SCN8A: variants seen among roughly 807,000 people sequenced by gnomAD.
SCN8A encodes the protein sodium voltage-gated channel alpha subunit 8.
SCN8A carries 30 observed loss-of-function variants against 184.1 expected under a neutral mutation model. The ratio of observed to expected loss-of-function variants is 0.16; its 90% CI spans 0.12 to 0.22. SCN8A has a LOEUF of 0.22. Among genes scored for constraint, SCN8A ranks in the 10% least tolerant of loss-of-function variants. The probability of loss-of-function intolerance (pLI) is 1.00; values close to 1 mark genes in which losing one functional copy is unlikely to be tolerated. For synonymous variants in SCN8A, 852 were observed against 907.0 expected (o/e 0.94, Z 1.09); for missense variants, 1,057 against 2,498.9 (o/e 0.42, Z 12.30).
At chr12:51,611,835 A>G (rs1939727197) in intron 1 of SCN8A, among the ~76,000 whole-genome samples, 1 of 152,090 alleles carries the variant, frequency 6.6e-6, no homozygotes, top group Non-Finnish European at 1.5e-5. Flanking sequence ...TTTCTAATTT[A>G]TTTCTTGTAT....
intron 1 of SCN8A, among the ~76,000 whole-genome samples, chr12:51,600,188 A>T (rs1939434004): frequency 6.6e-6 from 1 of 152,082 alleles, no homozygotes; most frequent in African/African-American, 2.4e-5. Flanking sequence ...GTGGGTCTCT[A>T]CCCTTGTTTT....
chr12:51,807,796 A>C lies in SCN8A; in HGVS notation c.*367A>C. ...TTATTTTTTCATTTTATTGATTCTC[A>C]GAAGCAGAAAGCATCACTTTAAAAG... On this transcript the variant is annotated 3_prime_UTR_variant, in exon 27 of 27. Coordinates refer to ENST00000627620, the MANE Select transcript of SCN8A (RefSeq NM_001330260.2). The surrounding 1 kb of genome is among the most constrained non-coding windows in gnomAD (Gnocchi z 4.5). 1 of 259,020 alleles carries C rather than the reference A, an allele frequency of 3.9e-6. No individual in the cohort carries two copies. Among genetic ancestry groups the C allele is most frequent in the East Asian group, 8.9e-5 (1 of 11,230 alleles). 16.0% of individuals were successfully genotyped at this position (259,020 alleles called of 1,614,324 possible).
At chr12:51,805,476 T>C (rs1457066419) in intron 26 of SCN8A, among the ~76,000 whole-genome samples, 2 of 150,260 alleles carry the variant, frequency 1.3e-5, no homozygotes, top group African/African-American at 4.9e-5. Flanking sequence ...CTAACCATAG[T>C]AGGAAATTAT....
Position 51,780,781 on chromosome 12 carries a change from T to C in SCN8A, c.3942+10T>C. On this transcript the variant is annotated intron_variant, in intron 21 of 26. Coordinates refer to ENST00000627620, the MANE Select transcript of SCN8A (RefSeq NM_001330260.2). ...ATTTGAAGGGATGAGGGTAAGATAC[T>C]AAGAGCAGCTGATCCTTCTGCATGC... The C allele has an allele frequency of 6.3e-7, 1 of 1,576,644 alleles. No individual in the cohort carries two copies. The highest frequency in any genetic ancestry group is 8.6e-7 in the Non-Finnish European group (1 of 1,167,910).
chr12:51,603,704 A>T (rs1309637075), intron 1 of SCN8A, among the ~76,000 whole-genome samples: 1 of 151,942 alleles, frequency 6.6e-6, no homozygotes, highest in Non-Finnish European at 1.5e-5. Flanking sequence ...CTGTATCCTC[A>T]TTGGCACTTG....
intron 12 of SCN8A, among the ~76,000 whole-genome samples, chr12:51,724,555 TC>T (rs1026101766): frequency 1.3e-5 from 2 of 152,242 alleles, no homozygotes; most frequent in African/African-American, 4.8e-5. Context: ...TATTTGACTT[TC>T]ACTAATTCTG....
intron 11 of SCN8A, among the ~76,000 whole-genome samples, chr12:51,720,001 GGCAGGCGGAGCTT>G (rs1465341509): frequency 2.0e-5 from 3 of 151,156 alleles, no homozygotes; most frequent in Non-Finnish European, 4.4e-5. Flanking sequence ...GCGTGAACCT[GGCAGGCGGAGCTT>G]GCAGTGAGCC....
chr12:51,620,804 A>G (rs1939943829), intron 1 of SCN8A, among the ~76,000 whole-genome samples: 1 of 151,908 alleles, frequency 6.6e-6, no homozygotes, highest in South Asian at 2.1e-4. Context: ...TCTGGGCAAC[A>G]TAGTGAGACA....
At chr12:51,717,317 A>G (rs1426387859) in intron 11 of SCN8A, among the ~76,000 whole-genome samples, 1 of 152,244 alleles carries the variant, frequency 6.6e-6, no homozygotes, top group Non-Finnish European at 1.5e-5. Context: ...TACCTGTGGT[A>G]AAGGACTCAT....
chr12:51,754,323 CTTTT>C (rs35536426), intron 14 of SCN8A, among the ~76,000 whole-genome samples: 2 of 144,558 alleles, frequency 1.4e-5, no homozygotes, highest in Non-Finnish European at 1.5e-5. Context: ...CAAAAAACTT[CTTTT>C]TTTTTTTTTT....
chr12:51,745,923 TAAG>T lies in SCN8A; in HGVS notation c.2025_2027del (p.Lys676del), dbSNP rs766924534. ...TAAAGGCTACAACTGAGGTGGAAATTAAGAAGAAAGGCCCTGGATCTCTTTTAG... is the reference window on the plus strand; with the variant it reads ...TAAAGGCTACAACTGAGGTGGAAATTAAGAAAGGCCCTGGATCTCTTTTAG... On this transcript the variant is annotated inframe_deletion, in exon 13 of 27. Transcript: ENST00000627620. 1.3e-6 allele frequency: 2 copies of T among 1,590,590 alleles called. No homozygotes were observed. Among genetic ancestry groups the T allele is most frequent in the Non-Finnish European group, 1.7e-6 (2 of 1,172,534 alleles).
chr12:51,754,660 ATC>A (rs1307394715), intron 14 of SCN8A, among the ~76,000 whole-genome samples: 1 of 152,168 alleles, frequency 6.6e-6, no homozygotes, highest in Non-Finnish European at 1.5e-5. Context: ...TAGCTATCAT[ATC>A]TCTCTAATTT....
intron 6 of SCN8A, among the ~76,000 whole-genome samples, chr12:51,696,415 G>A (rs942770294): frequency 4.6e-5 from 7 of 152,146 alleles, no homozygotes; most frequent in Non-Finnish European, 8.8e-5. Context: ...CTGTTCCTTA[G>A]CAACTAAATG....
chr12:51,801,588 T>G (rs191706663), intron 26 of SCN8A, among the ~76,000 whole-genome samples: 11 of 152,162 alleles, frequency 7.2e-5, no homozygotes, highest in Admixed American at 7.2e-4. Flanking sequence ...GCAAATAAAC[T>G]ATTAGAACCT....
intron 11 of SCN8A, among the ~76,000 whole-genome samples, chr12:51,711,182 G>A (rs977834703): frequency 1.3e-5 from 2 of 152,118 alleles, no homozygotes; most frequent in East Asian, 1.9e-4. Flanking sequence ...ATACCTTAGC[G>A]CTGTTAACGC....
intron 16 of SCN8A, 99 bp downstream of exon 16, chr12:51,766,126 C>A: frequency 1.1e-6 from 1 of 930,504 alleles, no homozygotes; most frequent in South Asian, 1.3e-5. Context: ...TTCTACTACC[C>A]GTCATGTTTG....
chr12:51,645,545 C>T (rs1242511828), intron 1 of SCN8A, among the ~76,000 whole-genome samples: 1 of 152,060 alleles, frequency 6.6e-6, no homozygotes, highest in African/African-American at 2.4e-5. Flanking sequence ...ATTGAGAAAT[C>T]GGATGGTTGC....
At position 51,734,697 on chromosome 12, in the gene SCN8A, G is replaced by A. The variant is rs918059059; in HGVS notation, c.1999-11206G>A. ...GCCAGTTTATGGCCAGATTTTGGGG[G>A]GCTTGCTCCCAACGTGTCTCCCTTC... On this transcript the variant is annotated intron_variant, in intron 12 of 26. Coordinates refer to ENST00000627620, the MANE Select transcript of SCN8A (RefSeq NM_001330260.2). 5.9e-5 allele frequency among the ~76,000 whole-genome samples: 9 copies of A among 152,186 alleles called. No homozygotes were observed. In the South Asian group the frequency reaches 6.2e-4, roughly 11 times the overall value.
chr12:51,768,859 G>A lies in SCN8A; in HGVS notation c.2902-6G>A. ...TTGTTCCTTTTTTCCAATGCTACTG[G>A]CATAGGTGCTGAACCTGTTTCTGGC... On this transcript the variant is annotated splice_region_variant and splice_polypyrimidine_tract_variant and intron_variant, in intron 16 of 26. Transcript: ENST00000627620. 2 of 1,532,052 alleles carry A rather than the reference G, an allele frequency of 1.3e-6. No homozygotes were observed. Among genetic ancestry groups the A allele is most frequent in the Non-Finnish European group, 1.8e-6 (2 of 1,139,584 alleles). 94.9% of individuals were successfully genotyped at this position (1,532,052 alleles called of 1,614,324 possible). A position where few individuals can be genotyped will look rare whatever the true frequency, so the allele number is the denominator to read the frequency against.
Sources: allele counts gnomAD v4.1 joint callset (sites outside exome capture counted in the v4.1 genomes callset), GRCh38; gene constraint gnomAD v4.1.1; non-coding constraint Gnocchi (gnomAD v3.1); transcripts MANE v1.5; gene names NCBI Gene and HGNC (gene_info 2026-07-23, HGNC 2026-07-21).